TRPM1: variants seen among roughly 807,000 people sequenced by gnomAD.
TRPM1 encodes transient receptor potential cation channel subfamily M member 1.
TRPM1 carries 113 observed loss-of-function variants against 149.4 expected under a neutral mutation model. The ratio of observed to expected loss-of-function variants is 0.76; its 90% CI spans 0.65 to 0.88. The LOEUF is 0.88. Ranked by LOEUF, TRPM1 falls within the 40% of genes least tolerant of loss-of-function variation. The pLI, the probability that TRPM1 is intolerant of heterozygous loss-of-function variation, is 0.00. For synonymous variants in TRPM1, 741 were observed against 759.5 expected (o/e 0.98, Z 0.40); for missense variants, 1,976 against 2,038.7 (o/e 0.97, Z 0.59).
chr15:31,011,831 T>C, intron 27 of TRPM1, among the ~76,000 whole-genome samples: 1 of 152,006 alleles, frequency 6.6e-6, no homozygotes, highest in Non-Finnish European at 1.5e-5. Flanking sequence ...CACAGGCTAA[T>C]TTTTGTATTT....
intron 1 of TRPM1, among the ~76,000 whole-genome samples, chr15:31,136,326 G>C (rs1296611907): frequency 6.6e-6 from 1 of 152,332 alleles, no homozygotes; most frequent in African/African-American, 2.4e-5. Flanking sequence ...CCCCTGCCGT[G>C]CTTGCTGTTT....
intron 24 of TRPM1, 87 bp from the exon 25 acceptor site, chr15:31,028,563 TC>T: frequency 7.0e-7 from 1 of 1,421,696 alleles, no homozygotes; most frequent in Non-Finnish European, 9.8e-7. Context: ...AATACCTATT[TC>T]TTTTTTAATA....
intron 18 of TRPM1, among the ~76,000 whole-genome samples, chr15:31,038,422 A>G (rs2033499709): frequency 6.6e-6 from 1 of 152,350 alleles, no homozygotes; most frequent in Middle Eastern, 3.4e-3. Context: ...CTTTAAAAAG[A>G]AAAGTCTTGG....
At chr15:31,135,046 T>C (rs2036070111) in intron 1 of TRPM1, among the ~76,000 whole-genome samples, 3 of 152,166 alleles carry the variant, frequency 2.0e-5, no homozygotes, top group Admixed American at 1.3e-4. Flanking sequence ...TTATCCCCCA[T>C]ATATACAGGA....
chr15:31,040,240 T>C lies in TRPM1; in HGVS notation c.2194A>G (p.Thr732Ala), dbSNP rs1451287233. ...TYELKNWSNS[T>A]CLKLAVAAKH... is the part of the protein sequence containing the mutation. ...GCTGCCACGGCCAGTTTGAGGCAGG[T>C]CGAGTTGCTCCAGTTTTTCAGCTCG... Residue 732 changes from threonine (T) to alanine (A), a missense_variant, in exon 18 of 28, where the codon ACC (threonine) becomes GCC (alanine). By Grantham distance (58) the Thr-to-Ala change is moderately conservative. Coordinates refer to ENST00000256552, the MANE Select transcript of TRPM1 (RefSeq NM_001252024.2). The surrounding 1 kb of genome is among the most constrained non-coding windows in gnomAD (Gnocchi z 4.2). The C allele has an allele frequency of 7.4e-6, 12 of 1,614,196 alleles. No individual in the cohort carries two copies. The highest frequency in any genetic ancestry group is 1.0e-5 in the Non-Finnish European group (12 of 1,180,032).
chr15:31,017,439 T>C (rs2032406153), intron 27 of TRPM1, among the ~76,000 whole-genome samples: 1 of 152,226 alleles, frequency 6.6e-6, no homozygotes, highest in Admixed American at 6.5e-5. Context: ...ATGGCCAGTG[T>C]CAGTGTTCCC....
At chr15:31,032,063 T>C (rs1251037132) in intron 22 of TRPM1, among the ~76,000 whole-genome samples, 2 of 149,964 alleles carry the variant, frequency 1.3e-5, no homozygotes, top group Admixed American at 6.6e-5. Context: ...GGATGTAGTC[T>C]CATAGAACAT....
At chr15:31,126,021 A>C (rs2035947127) in intron 1 of TRPM1, among the ~76,000 whole-genome samples, 1 of 151,698 alleles carries the variant, frequency 6.6e-6, no homozygotes, top group Non-Finnish European at 1.5e-5. Context: ...AATCCCAGCT[A>C]CTCGGGAGGC....
chr15:31,154,701 C>CT (rs1475419240), intron 1 of TRPM1, among the ~76,000 whole-genome samples: 1 of 152,192 alleles, frequency 6.6e-6, no homozygotes, highest in Non-Finnish European at 1.5e-5. Flanking sequence ...AGTCAGGCAG[C>CT]TGGAGGCTAC....
At chr15:31,110,276 T>C (rs1476574573) in intron 1 of TRPM1, among the ~76,000 whole-genome samples, 1 of 152,196 alleles carries the variant, frequency 6.6e-6, no homozygotes, top group Non-Finnish European at 1.5e-5. Flanking sequence ...AATGTCTCTA[T>C]GAATTAAGAA....
At chr15:31,061,650 G>T (rs909695824) in intron 9 of TRPM1, 136 bp from the exon 10 acceptor site, 3 of 729,706 alleles carry the variant, frequency 4.1e-6, no homozygotes, top group African/African-American at 1.8e-5. Flanking sequence ...AGCAAGTGCT[G>T]TTGATTTCTT....
At chr15:31,111,858 T>C (rs966221947) in intron 1 of TRPM1, among the ~76,000 whole-genome samples, 1 of 152,076 alleles carries the variant, frequency 6.6e-6, no homozygotes, top group Admixed American at 6.6e-5. Flanking sequence ...TTTTACCCCA[T>C]TGGTTACAAT....
intron 27 of TRPM1, among the ~76,000 whole-genome samples, chr15:31,024,899 G>T (rs901670762): frequency 2.0e-5 from 3 of 152,166 alleles, no homozygotes; most frequent in African/African-American, 4.8e-5. Flanking sequence ...GAAAGGTGGT[G>T]CAGGTAACCC....
At chr15:31,012,484 A>T (rs73368444) in intron 27 of TRPM1, among the ~76,000 whole-genome samples, 16,531 of 152,084 alleles carry the variant, frequency 0.11, 1,271 homozygotes, top group African/African-American at 0.2. Flanking sequence ...CAGCTTTTTT[A>T]ATCTAATTAA....
At chr15:31,038,991 C>CTTTTTT (rs1175210129) in intron 18 of TRPM1, among the ~76,000 whole-genome samples, 1 of 131,464 alleles carries the variant, frequency 7.6e-6, no homozygotes, top group African/African-American at 2.8e-5. Context: ...CATGCTTCCC[C>CTTTTTT]TTTTTTTTTT....
intron 20 of TRPM1, among the ~76,000 whole-genome samples, chr15:31,037,488 G>A (rs2033444500): frequency 6.6e-6 from 1 of 152,174 alleles, no homozygotes; most frequent in Non-Finnish European, 1.5e-5. Context: ...TGCCTTATGA[G>A]ATGGTGTATT....
rs374866600 is a variant in TRPM1, at chr15:31,075,876, T to C, written c.83+1029A>G. Among the ~76,000 whole-genome samples, 35 of 151,880 alleles carry C rather than the reference T, an allele frequency of 2.3e-4. No individual in the cohort carries two copies. In the South Asian group the frequency reaches 6.8e-3, roughly 30 times the overall value. The stretch of plus-strand genomic sequence containing the variant: ...AGGGTTTAAACGGTTGGTTTTTTCA[T>C]TCTAGTTTTTTTTTTTTTTTAATCC... On this transcript the variant is annotated intron_variant, in intron 3 of 27. Coordinates refer to ENST00000256552, the MANE Select transcript of TRPM1 (RefSeq NM_001252024.2).
Position 31,067,894 on chromosome 15 carries a change from CG to C in TRPM1, c.477del (p.Gly161ValfsTer10). 2 of 1,613,038 alleles carry C rather than the reference CG, an allele frequency of 1.2e-6. No individual in the cohort carries two copies. Among genetic ancestry groups the C allele is most frequent in the Non-Finnish European group, 1.7e-6 (2 of 1,179,924 alleles). ...AAMTTGAWIF[T>X]GGVSTGVISH... ...CTGCTCTTACCTGTGCTGACACCCC[CG>C]GTGAAGATCCAGGCCCCGGTGGTCA... On this transcript the variant is annotated frameshift_variant, in exon 5 of 28. Coordinates refer to ENST00000256552, the MANE Select transcript of TRPM1 (RefSeq NM_001252024.2). LOFTEE classifies it high-confidence loss of function.
rs77323194 is a variant in TRPM1, at chr15:31,155,221, G to A, written c.54+5685C>T. On this transcript the variant is annotated intron_variant, in intron 1 of 26. Coordinates refer to the TRPM1 transcript ENST00000542188. ...GCTGTAGCCTCAAAGGGAGCCAAGC[G>A]TGGTCCTAGTGCTTCGGGCCCAGGG... Among the ~76,000 whole-genome samples, 191 of 152,240 alleles carry A rather than the reference G, an allele frequency of 1.3e-3. 1 individual carries two copies. The East Asian group carries it at 0.028, about 22-fold the overall frequency.
Sources: allele counts gnomAD v4.1 joint callset (sites outside exome capture counted in the v4.1 genomes callset), GRCh38; gene constraint gnomAD v4.1.1; non-coding constraint Gnocchi (gnomAD v3.1); transcripts MANE v1.5; gene names NCBI Gene and HGNC (gene_info 2026-07-23, HGNC 2026-07-21).